Variants in ROCK2 observed in about 807,000 individuals in gnomAD.
ROCK2 encodes rho-associated protein kinase 2.
A neutral mutation model predicts 195.1 loss-of-function variants in ROCK2; 61 were observed. The ratio of observed to expected loss-of-function variants is 0.31; its 90% CI spans 0.25 to 0.39. The LOEUF (loss-of-function observed/expected upper bound fraction) is 0.39. ROCK2 is among the 10% of genes least tolerant of loss of function. The pLI is 1.00. For missense variants in ROCK2, 1,109 were observed against 1,637.4 expected (o/e 0.68, Z 5.57); for synonymous variants, 504 against 545.5 (o/e 0.92, Z 1.06).
chr2:11,340,860 T>C (rs1052990072), intron 1 of ROCK2, among the ~76,000 whole-genome samples: 4 of 152,130 alleles, frequency 2.6e-5, no homozygotes, highest in African/African-American at 9.7e-5. Context: ...CAAGCGTGAG[T>C]CCTACAGGTT....
intron 3 of ROCK2, among the ~76,000 whole-genome samples, chr2:11,255,531 T>C (rs1179894379): frequency 2.6e-5 from 4 of 150,984 alleles, no homozygotes; most frequent in African/African-American, 9.9e-5. Context: ...TACTTAAAAA[T>C]AGCTCTTATA....
At chr2:11,218,414 C>T (rs761669679) in intron 11 of ROCK2, 41 bp downstream of exon 11, 1 of 1,529,732 alleles carries the variant, frequency 6.5e-7, no homozygotes, top group South Asian at 1.2e-5. Flanking sequence ...GAGTGATGAG[C>T]TTTTCTCAGT....
At chr2:11,264,070 C>T (rs865806054) in intron 3 of ROCK2, among the ~76,000 whole-genome samples, 19 of 151,414 alleles carry the variant, frequency 1.3e-4, no homozygotes, top group Non-Finnish European at 2.1e-4. Flanking sequence ...TACATGAGAA[C>T]GCAAGGATAT....
intron 1 of ROCK2, among the ~76,000 whole-genome samples, chr2:11,314,659 C>T (rs1668137192): frequency 6.6e-6 from 1 of 151,896 alleles, no homozygotes; most frequent in South Asian, 2.1e-4. Context: ...TAAATGTGGC[C>T]AGTATCTCAG....
rs183901263 is a variant in ROCK2 at position 11,330,425 on chromosome 2, T to C, written c.141+13571A>G. Among the ~76,000 whole-genome samples the C allele has an allele frequency of 1.4e-3, 212 of 152,276 alleles. 1 individual carries two copies. The highest frequency in any genetic ancestry group is 2.4e-3 in the Admixed American group (36 of 15,292). The stretch of plus-strand genomic sequence containing the variant: ...CAACAAAGTTATCTGAAAAAGGTGA[T>C]ACATTTTTCAAAATCATACTAATAT... On this transcript the variant is annotated intron_variant, in intron 1 of 32. Coordinates refer to ENST00000315872, the MANE Select transcript of ROCK2 (RefSeq NM_004850.5).
rs10640683 is a variant in ROCK2 at position 11,254,727 on chromosome 2, TAAAAAAAA to T, written c.325-4937_325-4930del. On this transcript the variant is annotated intron_variant, in intron 3 of 32. Transcript: ENST00000315872. ...TAGGCAACAGTGAGACCCTGTCTCT[TAAAAAAAA>T]AAAAAAAAAAAAAAAAAAAAAGGTA... 1.3e-3 allele frequency among the ~76,000 whole-genome samples: 51 copies of T among 39,128 alleles called. 1 individual carries two copies. The highest frequency in any genetic ancestry group is 4.7e-3 in the Admixed American group (13 of 2,790). The allele number at this position is 39,128 out of a possible 152,430, so 25.7% of individuals were successfully genotyped here. A position where few individuals can be genotyped will look rare whatever the true frequency, so the allele number is the denominator to read the frequency against.
chr2:11,340,375 T>A (rs185887111), intron 1 of ROCK2, among the ~76,000 whole-genome samples: 96 of 152,314 alleles, frequency 6.3e-4, no homozygotes, highest in African/African-American at 2.1e-3. Context: ...TTTTTATATA[T>A]CAAAATTGTG....
In ROCK2 at chr2:11,183,470, G is replaced by C. The variant is rs538724743; in HGVS notation, c.4164-30C>G. On this transcript the variant is annotated intron_variant, in intron 32 of 32. Coordinates refer to ENST00000315872, the MANE Select transcript of ROCK2 (RefSeq NM_004850.5). The stretch of plus-strand genomic sequence containing the variant: ...AAAGAAAGGAAAAATAAAGTTAGTT[G>C]ATACAGTGAAATAATTTAAGAGTGT... 8 of 1,525,926 alleles carry C rather than the reference G, an allele frequency of 5.2e-6. No homozygotes were observed. The African/African-American group carries it at 1.1e-4, about 21-fold the overall frequency. 94.5% of individuals were successfully genotyped at this position (1,525,926 alleles called of 1,614,324 possible). A position where few individuals can be genotyped will look rare whatever the true frequency, so the allele number is the denominator to read the frequency against.
At chr2:11,293,459 G>C (rs1200302012) in intron 1 of ROCK2, among the ~76,000 whole-genome samples, 1 of 152,198 alleles carries the variant, frequency 6.6e-6, no homozygotes, top group Non-Finnish European at 1.5e-5. Flanking sequence ...AGCAAGGCCT[G>C]GCATAGGGAA....
At chr2:11,317,593 T>C (rs1335854057) in intron 1 of ROCK2, among the ~76,000 whole-genome samples, 1 of 14,506 alleles carries the variant, frequency 6.9e-5, no homozygotes, top group South Asian at 2.3e-3. Flanking sequence ...TATATATATA[T>C]ATATATATAT....
At chr2:11,321,607 C>CA (rs1293415976) in intron 1 of ROCK2, among the ~76,000 whole-genome samples, 1 of 151,638 alleles carries the variant, frequency 6.6e-6, no homozygotes, top group Non-Finnish European at 1.5e-5. Context: ...CTAAATAAAA[C>CA]AAAAACAAAA....
chr2:11,300,631 T>C (rs1202331603), intron 1 of ROCK2, among the ~76,000 whole-genome samples: 1 of 152,224 alleles, frequency 6.6e-6, no homozygotes, highest in Non-Finnish European at 1.5e-5. Context: ...CAAATAGCCA[T>C]AATTTTTCTT....
chr2:11,229,728 T>C (rs1044435077), intron 5 of ROCK2, among the ~76,000 whole-genome samples: 1 of 151,480 alleles, frequency 6.6e-6, no homozygotes, highest in Admixed American at 6.6e-5. Context: ...GAAAATAACA[T>C]CTTAACACAA....
intron 18 of ROCK2, 152 bp from the exon 19 acceptor site, chr2:11,208,599 T>A (rs1204928585): frequency 2.6e-6 from 1 of 391,804 alleles, no homozygotes; most frequent in African/African-American, 2.2e-5. Flanking sequence ...TTTTTTTCTT[T>A]TCTTTTTTTT....
chr2:11,306,936 C>A (rs966345566), intron 1 of ROCK2, among the ~76,000 whole-genome samples: 9 of 152,258 alleles, frequency 5.9e-5, no homozygotes, highest in African/African-American at 2.2e-4. Context: ...TGGGAAGATA[C>A]AGAAAGCAGG....
rs1326402341 is a variant in ROCK2, at chr2:11,235,162, C to T, written c.723+540G>A. ...AATAAATCAGTATCATAATTAGCTA[C>T]GAGGTTAATGCCACTGAACCTATCA... On this transcript the variant is annotated intron_variant, in intron 5 of 32. Transcript: ENST00000315872. The surrounding 1 kb of genome is among the most constrained non-coding windows in gnomAD (Gnocchi z 4.2). 1.3e-5 allele frequency among the ~76,000 whole-genome samples: 2 copies of T among 152,028 alleles called. No individual in the cohort carries two copies. The highest frequency in any genetic ancestry group is 2.4e-5 in the African/African-American group (1 of 41,394).
intron 32 of ROCK2, among the ~76,000 whole-genome samples, chr2:11,190,296 TGC>T (rs1283085572): frequency 6.6e-6 from 1 of 151,848 alleles, no homozygotes; most frequent in Admixed American, 6.6e-5. Context: ...TACTTACCGT[TGC>T]TATGACAAAA....
chr2:11,202,572 A>G (rs188965997), intron 20 of ROCK2, among the ~76,000 whole-genome samples: 1 of 152,086 alleles, frequency 6.6e-6, no homozygotes, highest in East Asian at 1.9e-4. Flanking sequence ...ATCTGGGCTC[A>G]CTAAAAGTTC....
chr2:11,274,397 G>A (rs528116933), intron 3 of ROCK2, among the ~76,000 whole-genome samples: 1 of 152,038 alleles, frequency 6.6e-6, no homozygotes, highest in African/African-American at 2.4e-5. Context: ...AACAGAGAAT[G>A]CTCAAATTAT....
Sources: allele counts gnomAD v4.1 joint callset (sites outside exome capture counted in the v4.1 genomes callset), GRCh38; gene constraint gnomAD v4.1.1; non-coding constraint Gnocchi (gnomAD v3.1); transcripts MANE v1.5; gene names NCBI Gene and HGNC (gene_info 2026-07-23, HGNC 2026-07-21).